The following LYPD6B variants were observed in gnomAD, a reference collection of about 807,000 sequenced individuals.
LYPD6B encodes the protein ly6/PLAUR domain-containing protein 6B.
Under a neutral mutation model 22.8 loss-of-function variants are expected in LYPD6B, and 17 were observed. The observed-to-expected ratio is 0.75, with a 90% confidence interval of 0.51 to 1.12. The LOEUF is 1.12. LYPD6B is among the 50% of genes most tolerant of loss of function. The probability of loss-of-function intolerance (pLI) is 0.00; values close to 1 mark genes in which losing one functional copy is unlikely to be tolerated. For synonymous variants in LYPD6B, 106 were observed against 91.6 expected, an observed-to-expected ratio of 1.16 and a Z score of -0.90; for missense variants, 221 against 258.3, an observed-to-expected ratio of 0.86 and a Z score of 0.99.
At chr2:149,044,089 A>G (rs1683204548) in intron 1 of LYPD6B, among the ~76,000 whole-genome samples, 1 of 152,004 alleles carries the variant, frequency 6.6e-6, no homozygotes, top group Non-Finnish European at 1.5e-5. Flanking sequence ...TTCTTTTTCA[A>G]AATTGCTATG....
intron 3 of LYPD6B, among the ~76,000 whole-genome samples, chr2:149,191,888 GGGCA>G (rs1306173112): frequency 6.6e-6 from 1 of 152,160 alleles, no homozygotes; most frequent in East Asian, 1.9e-4. Flanking sequence ...CTGAAGCTTG[GGGCA>G]GGCAGGAGGA....
At chr2:149,075,797 T>C (rs561241306) in intron 1 of LYPD6B, among the ~76,000 whole-genome samples, 1 of 152,324 alleles carries the variant, frequency 6.6e-6, no homozygotes, top group South Asian at 2.1e-4. Context: ...CTAAATGTCA[T>C]ATATTCTGAA....
In LYPD6B at chr2:149,150,037, A is replaced by G. The variant is rs78725005; in HGVS notation, c.6-10727A>G. 6.2e-3 allele frequency among the ~76,000 whole-genome samples: 950 copies of G among 152,300 alleles called. 11 individuals carry two copies. Among genetic ancestry groups the G allele is most frequent in the African/African-American group, 0.022 (913 of 41,556 alleles). On this transcript the variant is annotated intron_variant, in intron 2 of 6. Transcript: ENST00000409642. ...CTAGTTAAATTAGTGGTAACAATTG[A>G]CATTATTATGATTCTGCAATTTTGC...
At chr2:149,144,732 C>T (rs1183418830) in intron 2 of LYPD6B, among the ~76,000 whole-genome samples, 1 of 152,156 alleles carries the variant, frequency 6.6e-6, no homozygotes, top group Non-Finnish European at 1.5e-5. Context: ...ACAGCATACT[C>T]ATGAGGCTAG....
chr2:149,164,297 G>A (rs1269213512), intron 3 of LYPD6B, among the ~76,000 whole-genome samples: 1 of 152,136 alleles, frequency 6.6e-6, no homozygotes, highest in African/African-American at 2.4e-5. Flanking sequence ...TACTAATACA[G>A]TGTGTTTTGG....
At chr2:149,127,463 T>G (rs914445770) in intron 1 of LYPD6B, among the ~76,000 whole-genome samples, 6 of 152,170 alleles carry the variant, frequency 3.9e-5, no homozygotes, top group Admixed American at 3.9e-4. Context: ...TGCCCCACCA[T>G]GGGAGGGTCC....
intron 3 of LYPD6B, among the ~76,000 whole-genome samples, chr2:149,176,286 C>A (rs138004025): frequency 1.3e-5 from 2 of 152,050 alleles, no homozygotes; most frequent in Admixed American, 1.3e-4. Context: ...ACTGTATGTG[C>A]GTGTGTGCAC....
intron 1 of LYPD6B, among the ~76,000 whole-genome samples, chr2:149,081,871 T>C (rs1685152393): frequency 6.6e-6 from 1 of 152,220 alleles, no homozygotes; most frequent in African/African-American, 2.4e-5. Context: ...TAGGTCAACA[T>C]TATATGAGGC....
Position 149,066,882 on chromosome 2 carries a change from G to A in LYPD6B, c.-67+28081G>A, listed in dbSNP as rs1684361124. 2.6e-5 allele frequency among the ~76,000 whole-genome samples: 4 copies of A among 152,034 alleles called. No homozygotes were observed. The South Asian group carries it at 8.3e-4, about 32-fold the overall frequency. ...ACATGGGTATACTGTATGATGCTGA[G>A]GTTTGGGGTACAATTGATCTTGTCA... is the stretch of plus-strand genomic sequence containing the variant. On this transcript the variant is annotated intron_variant, in intron 1 of 6. Coordinates refer to ENST00000409642, the MANE Select transcript of LYPD6B (RefSeq NM_177964.5).
At chr2:149,178,876 C>A (rs1691510545) in intron 3 of LYPD6B, among the ~76,000 whole-genome samples, 1 of 152,120 alleles carries the variant, frequency 6.6e-6, no homozygotes, top group African/African-American at 2.4e-5. Context: ...TGAGAGGCGG[C>A]CATTTAGAGC....
rs1480516583 is a variant in LYPD6B, at chr2:149,175,057, C to CTG, written c.77+14223_77+14224insGT. Among the ~76,000 whole-genome samples the CTG allele has an allele frequency of 3.3e-3, 421 of 127,462 alleles. 4 individuals carry two copies. The highest frequency in any genetic ancestry group is 0.012 in the Middle Eastern group (3 of 260). The allele number at this position is 127,462 out of a possible 152,430, so 83.6% of individuals were successfully genotyped here. ...TCTCTCTCTCTCTCTCTCTCTCTCT[C>CTG]TCTCTGTGTGTGTGTGTGTGTGTGT... On this transcript the variant is annotated intron_variant, in intron 3 of 6. Coordinates refer to ENST00000409642, the MANE Select transcript of LYPD6B (RefSeq NM_177964.5).
intron 3 of LYPD6B, among the ~76,000 whole-genome samples, chr2:149,190,305 T>TGC (rs1306927515): frequency 6.6e-6 from 1 of 152,164 alleles, no homozygotes; most frequent in African/African-American, 2.4e-5. Flanking sequence ...TCTGTGTGTG[T>TGC]GCACGTATCT....
At chr2:149,078,989 C>G (rs1339826431) in intron 1 of LYPD6B, among the ~76,000 whole-genome samples, 1 of 148,906 alleles carries the variant, frequency 6.7e-6, no homozygotes, top group East Asian at 2.0e-4. Flanking sequence ...CCTGGGGCAA[C>G]AGAGTGAGAT....
In LYPD6B at chr2:149,213,046, C is replaced by A; in HGVS notation, c.383C>A (p.Ser128Tyr). The stretch of plus-strand genomic sequence containing the variant: ...TTCACCAGCCACGGAAGAAGCACAT[C>A]CATCACCAAAAAGTGTGCCTCCAGA... Reference protein sequence around the residue: ...HHFTSHGRSTSITKKCASRSE... With the variant: ...HHFTSHGRSTYITKKCASRSE... Residue 128 changes from serine to tyrosine, a missense_variant, in exon 6 of 7, where the codon TCC becomes TAC. Physicochemically the swap from Ser to Tyr is moderately radical, Grantham distance 144 (BLOSUM62 -2). Coordinates refer to ENST00000409642, the MANE Select transcript of LYPD6B (RefSeq NM_177964.5). The A allele has an allele frequency of 6.2e-7, 1 of 1,613,970 alleles. No individual in the cohort carries two copies. Among genetic ancestry groups the A allele is most frequent in the South Asian group, 1.1e-5 (1 of 91,076 alleles).
chr2:149,086,166 C>A (rs144110744), intron 1 of LYPD6B, among the ~76,000 whole-genome samples: 1 of 152,222 alleles, frequency 6.6e-6, no homozygotes, highest in African/African-American at 2.4e-5. Flanking sequence ...CTGCTGTACA[C>A]ATAAACACTT....
At chr2:149,066,294 T>A (rs1047110310) in intron 1 of LYPD6B, among the ~76,000 whole-genome samples, 1 of 152,138 alleles carries the variant, frequency 6.6e-6, no homozygotes. Context: ...GTCATTTACA[T>A]TAGATATATC....
chr2:149,067,456 A>G (rs897397400), intron 1 of LYPD6B, among the ~76,000 whole-genome samples: 1 of 152,108 alleles, frequency 6.6e-6, no homozygotes, highest in African/African-American at 2.4e-5. Flanking sequence ...AAACACAGAA[A>G]AGTGAAAAGT....
intron 1 of LYPD6B, among the ~76,000 whole-genome samples, chr2:149,055,592 T>C (rs1167148506): frequency 3.9e-5 from 6 of 152,266 alleles, no homozygotes; most frequent in African/African-American, 9.6e-5. Flanking sequence ...TTACAAGTTA[T>C]GCACTTCTCT....
intron 1 of LYPD6B, among the ~76,000 whole-genome samples, chr2:149,055,640 T>C (rs1455039373): frequency 6.6e-6 from 1 of 152,240 alleles, no homozygotes; most frequent in East Asian, 1.9e-4. Context: ...TCTGATGCAG[T>C]GTAATGACAT....
Sources: allele counts gnomAD v4.1 joint callset (sites outside exome capture counted in the v4.1 genomes callset), GRCh38; gene constraint gnomAD v4.1.1; transcripts MANE v1.5; gene names NCBI Gene and HGNC (gene_info 2026-07-23, HGNC 2026-07-21).